VAV2: variants seen among roughly 807,000 people sequenced by gnomAD.
The protein encoded by VAV2 is guanine nucleotide exchange factor VAV2.
Under a neutral mutation model 132.5 loss-of-function variants are expected in VAV2, and 67 were observed. The observed-to-expected ratio is 0.51, with a 90% confidence interval of 0.42 to 0.62. The LOEUF (loss-of-function observed/expected upper bound fraction) is 0.62, where lower values mean the gene tolerates loss of function less well. Among genes scored for constraint, VAV2 ranks in the 20% least tolerant of loss-of-function variants. The pLI, the probability that VAV2 is intolerant of heterozygous loss-of-function variation, is 0.00. For missense variants in VAV2, 938 were observed against 1,153.6 expected, an observed-to-expected ratio of 0.81 and a Z score of 2.71; for synonymous variants, 492 against 443.5, an observed-to-expected ratio of 1.11 and a Z score of -1.37.
At chr9:133,957,343 G>A (rs751513840) in intron 1 of VAV2, among the ~76,000 whole-genome samples, 2 of 152,118 alleles carry the variant, frequency 1.3e-5, no homozygotes, top group Non-Finnish European at 2.9e-5. Flanking sequence ...ACATGAAACC[G>A]ACAAGAACTC....
chr9:133,808,855 G>GT (rs1835253927), intron 7 of VAV2, among the ~76,000 whole-genome samples, 185 bp downstream of exon 7: 1 of 152,232 alleles, frequency 6.6e-6, no homozygotes. Flanking sequence ...TCAGAGGAAA[G>GT]GAGAGGGCAC....
intron 1 of VAV2, among the ~76,000 whole-genome samples, chr9:133,952,332 G>A (rs780895748): frequency 4.6e-5 from 7 of 152,078 alleles, no homozygotes; most frequent in Non-Finnish European, 7.3e-5. Context: ...GGCCGGGTGC[G>A]GTGGCTCACG....
chr9:133,823,525 C>G lies in VAV2; in HGVS notation c.449+10747G>C, dbSNP rs1034198248. On this transcript the variant is annotated intron_variant, in intron 4 of 29. Transcript: ENST00000371850. This position sits in a 1 kb window ranked among gnomAD's most constrained non-coding sequence, Gnocchi z 5.5. ...TGCCACTGTGTGTCAGTCAGATCTA[C>G]GCTGAATACAAGGGAAATAACGTCA... 6.6e-6 allele frequency among the ~76,000 whole-genome samples: 1 copy of G among 152,150 alleles called. No homozygotes were observed. Among genetic ancestry groups the G allele is most frequent in the Non-Finnish European group, 1.5e-5 (1 of 68,036 alleles).
At chr9:133,832,396 G>T (rs758601838) in intron 4 of VAV2, among the ~76,000 whole-genome samples, 1 of 152,164 alleles carries the variant, frequency 6.6e-6, no homozygotes, top group African/African-American at 2.4e-5. Flanking sequence ...TCTGCTGGGG[G>T]TTGGGGCCTT....
At chr9:133,878,260 C>T (rs563798746) in intron 2 of VAV2, among the ~76,000 whole-genome samples, 4 of 152,166 alleles carry the variant, frequency 2.6e-5, no homozygotes, top group East Asian at 1.9e-4. Context: ...GGCACCTCTG[C>T]GGCCGTAGGA....
chr9:133,991,603 C>T lies in VAV2; in HGVS notation c.204+472G>A, dbSNP rs1235059171. Among the ~76,000 whole-genome samples, 2 of 151,582 alleles carry T rather than the reference C, an allele frequency of 1.3e-5. No homozygotes were observed. Among genetic ancestry groups the T allele is most frequent in the South Asian group, 2.1e-4 (1 of 4,828 alleles). ...GCCCCGAGGGCTCCCGCCCCGCGCCCCTCCCGGGCCCTCCAGCCGCGCCCC... is the reference window on the plus strand; with the variant it reads ...GCCCCGAGGGCTCCCGCCCCGCGCCTCTCCCGGGCCCTCCAGCCGCGCCCC... On this transcript the variant is annotated intron_variant, in intron 1 of 29. Transcript: ENST00000371850. The surrounding 1 kb of genome is among the most constrained non-coding windows in gnomAD (Gnocchi z 4.8).
chr9:133,845,745 TTCTC>T (rs1012502805), intron 3 of VAV2, among the ~76,000 whole-genome samples: 5 of 152,192 alleles, frequency 3.3e-5, no homozygotes, highest in Non-Finnish European at 7.3e-5. Context: ...AATCACAGTA[TTCTC>T]TCTGAGTCCA....
intron 6 of VAV2, among the ~76,000 whole-genome samples, chr9:133,809,892 G>A (rs1053988810): frequency 6.6e-6 from 1 of 152,216 alleles, no homozygotes; most frequent in Non-Finnish European, 1.5e-5. Flanking sequence ...CTGGAGAAAT[G>A]GTGCTGTGAC....
intron 2 of VAV2, among the ~76,000 whole-genome samples, chr9:133,876,719 C>T (rs1015027848): frequency 6.6e-6 from 1 of 152,120 alleles, no homozygotes; most frequent in African/African-American, 2.4e-5. Flanking sequence ...GCCAGGTGCA[C>T]GATGGCAGGA....
chr9:133,780,442 T>C (rs910463196), intron 20 of VAV2, among the ~76,000 whole-genome samples: 2 of 152,110 alleles, frequency 1.3e-5, no homozygotes, highest in African/African-American at 4.8e-5. Context: ...GCTGTACCCA[T>C]AGCCGCGAGC....
chr9:133,792,999 G>A (rs1834558062), intron 12 of VAV2, among the ~76,000 whole-genome samples: 1 of 152,026 alleles, frequency 6.6e-6, no homozygotes, highest in African/African-American at 2.4e-5. Flanking sequence ...ACCTAGACTT[G>A]GGCTGACCTA....
chr9:133,917,441 C>CTTTTTTTTTTT lies in VAV2; in HGVS notation c.321+21651_321+21661dup, dbSNP rs56141918. 6.6e-4 allele frequency among the ~76,000 whole-genome samples: 88 copies of CTTTTTTTTTTT among 132,532 alleles called. 1 individual carries two copies. The highest frequency in any genetic ancestry group is 2.7e-3 in the African/African-American group (82 of 30,358). The allele number at this position is 132,532 out of a possible 152,430, so 86.9% of individuals were successfully genotyped here. On this transcript the variant is annotated intron_variant, in intron 2 of 29. Coordinates refer to ENST00000371850, the MANE Select transcript of VAV2 (RefSeq NM_001134398.2). ...TCATGAGAAAAACAGAAAACTCTTT[C>CTTTTTTTTTTT]TTTTTTTTTTTTTTTGGCTAGAAGG... is the stretch of plus-strand genomic sequence containing the variant.
intron 2 of VAV2, among the ~76,000 whole-genome samples, chr9:133,890,033 A>G (rs1427770280): frequency 1.3e-5 from 2 of 152,204 alleles, no homozygotes; most frequent in Non-Finnish European, 2.9e-5. Context: ...AACTAACAGG[A>G]TATGGGCACA....
rs1840166785 is a variant in VAV2, at chr9:133,918,145, C to T, written c.321+20958G>A. On this transcript the variant is annotated intron_variant, in intron 2 of 29. Coordinates refer to ENST00000371850, the MANE Select transcript of VAV2 (RefSeq NM_001134398.2). The surrounding 1 kb of genome is among the most constrained non-coding windows in gnomAD (Gnocchi z 4.7). ...ATGCCCACAGTATTAGGACAGCTCT[C>T]CTTTTCCACTTGAAAGGCATCTCAG... Among the ~76,000 whole-genome samples the T allele has an allele frequency of 6.6e-6, 1 of 152,240 alleles. No homozygotes were observed. Among genetic ancestry groups the T allele is most frequent in the South Asian group, 2.1e-4 (1 of 4,834 alleles).
chr9:133,969,209 G>A lies in VAV2; in HGVS notation c.204+22866C>T, dbSNP rs1430409144. Among the ~76,000 whole-genome samples the A allele has an allele frequency of 3.3e-5, 5 of 151,888 alleles. No individual in the cohort carries two copies. The highest frequency in any genetic ancestry group is 7.4e-5 in the Non-Finnish European group (5 of 67,990). On this transcript the variant is annotated intron_variant, in intron 1 of 29. Coordinates refer to ENST00000371850, the MANE Select transcript of VAV2 (RefSeq NM_001134398.2). The surrounding 1 kb of genome is among the most constrained non-coding windows in gnomAD (Gnocchi z 5.1). ...ATTCCACCGTGCCCGCCGGGCCTGC[G>A]AGGACGAGCCTCTGCACCTGCTTCC... is the stretch of plus-strand genomic sequence containing the variant.
chr9:133,839,295 TGACA>T (rs1051627165), intron 3 of VAV2, among the ~76,000 whole-genome samples: 9 of 151,710 alleles, frequency 5.9e-5, no homozygotes, highest in African/African-American at 9.7e-5. Flanking sequence ...CTTTGTGGGC[TGACA>T]GACAGATGGA....
chr9:133,860,152 A>C (rs1338221210), intron 3 of VAV2, among the ~76,000 whole-genome samples: 1 of 151,844 alleles, frequency 6.6e-6, no homozygotes, highest in Non-Finnish European at 1.5e-5. Flanking sequence ...AATACAAAAA[A>C]TTAGCCGGGC....
rs7849102 is a variant in VAV2 at position 133,845,597 on chromosome 9, G to A, written c.381-11257C>T. Among the ~76,000 whole-genome samples the A allele has an allele frequency of 4.4e-3, 669 of 152,330 alleles. 4 individuals carry two copies. Among genetic ancestry groups the A allele is most frequent in the African/African-American group, 0.015 (635 of 41,588 alleles). On this transcript the variant is annotated intron_variant, in intron 3 of 29. Coordinates refer to ENST00000371850, the MANE Select transcript of VAV2 (RefSeq NM_001134398.2). ...TGGGAAATGAAGGGTCAGCTGGGTG[G>A]CCGAGGCCTTGGCAGTCTCCCTAGT...
At chr9:133,866,901 G>A (rs764181734) in intron 2 of VAV2, among the ~76,000 whole-genome samples, 5 of 151,760 alleles carry the variant, frequency 3.3e-5, no homozygotes, top group Non-Finnish European at 4.4e-5. Flanking sequence ...GGGTGGCAGC[G>A]TGGGGCAGTG....
Sources: allele counts gnomAD v4.1 joint callset (sites outside exome capture counted in the v4.1 genomes callset), GRCh38; gene constraint gnomAD v4.1.1; non-coding constraint Gnocchi (gnomAD v3.1); transcripts MANE v1.5; gene names NCBI Gene and HGNC (gene_info 2026-07-23, HGNC 2026-07-21).